The following PCDH15 variants were observed in gnomAD, a reference collection of about 807,000 sequenced individuals.
PCDH15 encodes protocadherin-15.
PCDH15 carries 129 observed loss-of-function variants against 178.5 expected under a neutral mutation model. That is an observed-to-expected ratio of 0.72 (90% CI 0.63 to 0.84). PCDH15 has a LOEUF of 0.84. PCDH15 is among the 40% of genes least tolerant of loss of function. The pLI is 0.00. For synonymous variants in PCDH15, 800 were observed against 732.0 expected (o/e 1.09, Z -1.50); for missense variants, 2,230 against 2,099.9 (o/e 1.06, Z -1.21).
intron 2 of PCDH15, among the ~76,000 whole-genome samples, chr10:55,475,868 C>T (rs929686944): frequency 7.9e-5 from 12 of 152,112 alleles, no homozygotes; most frequent in Admixed American, 2.0e-4. Flanking sequence ...TTATCTCTAT[C>T]CACTTCCCTT....
chr10:54,365,584 T>G (rs1946668598), intron 5 of PCDH15, among the ~76,000 whole-genome samples: 1 of 152,084 alleles, frequency 6.6e-6, no homozygotes, highest in Admixed American at 6.6e-5. Flanking sequence ...TTGCTCTTGT[T>G]TACTTACATC....
At chr10:55,570,227 T>C (rs1589145900) in intron 2 of PCDH15, among the ~76,000 whole-genome samples, 1 of 152,092 alleles carries the variant, frequency 6.6e-6, no homozygotes, top group East Asian at 1.9e-4. Flanking sequence ...AGAAAAGACC[T>C]GGCAGGTGAA....
At position 55,221,588 on chromosome 10, in the gene PCDH15, A is replaced by T. The variant is rs556411606; in HGVS notation, c.-155-54937T>A. Among the ~76,000 whole-genome samples the T allele has an allele frequency of 9.9e-5, 15 of 152,172 alleles. 1 individual carries two copies. The highest frequency in any genetic ancestry group is 3.4e-4 in the African/African-American group (14 of 41,464). On this transcript the variant is annotated intron_variant, in intron 1 of 5. Coordinates refer to the PCDH15 transcript ENST00000458638. ...TCTGGTATTTGACCTACTGTAAATT[A>T]CCACACTCTCTCATAAGATACATTC... is the stretch of plus-strand genomic sequence containing the variant.
rs1264708963 is a variant in PCDH15, at chr10:54,178,808, T to C, written c.1590+4636A>G. ...AAGACATTTATGCAGCCAAAAAACA[T>C]GTGAAAAAATGCTCATCATCACTGG... On this transcript the variant is annotated intron_variant, in intron 13 of 37. Coordinates refer to ENST00000644397, the MANE Select transcript of PCDH15 (RefSeq NM_001384140.1). 4.6e-5 allele frequency among the ~76,000 whole-genome samples: 7 copies of C among 152,086 alleles called. No individual in the cohort carries two copies. The South Asian group carries it at 6.2e-4, about 14-fold the overall frequency.
In PCDH15 at chr10:53,804,651, TG is replaced by T. The variant is rs2132343593; in HGVS notation, c.*1927del. 2 of 152,128 alleles carry T rather than the reference TG, an allele frequency of 1.3e-5. No homozygotes were observed. The highest frequency in any genetic ancestry group is 1.9e-4 in the East Asian group (1 of 5,182). 9.4% of individuals were successfully genotyped at this position (152,128 alleles called of 1,614,324 possible). Reference sequence around the variant, plus strand: ...TCAAGGGATGCTGACTGAGATGATCTGGGGGTATCAAGATAATATTAAATTA... The same window carrying T: ...TCAAGGGATGCTGACTGAGATGATCTGGGGTATCAAGATAATATTAAATTA... On this transcript the variant is annotated 3_prime_UTR_variant, in exon 38 of 38. Coordinates refer to ENST00000644397, the MANE Select transcript of PCDH15 (RefSeq NM_001384140.1).
intron 26 of PCDH15, among the ~76,000 whole-genome samples, chr10:53,867,058 AATG>A (rs1473566838): frequency 3.3e-5 from 5 of 152,096 alleles, no homozygotes; most frequent in Admixed American, 1.3e-4. Context: ...TTGCTATTAG[AATG>A]ATAATAACTG....
At chr10:55,515,693 TG>T (rs1840996546) in intron 2 of PCDH15, among the ~76,000 whole-genome samples, 1 of 152,094 alleles carries the variant, frequency 6.6e-6, no homozygotes, top group Non-Finnish European at 1.5e-5. Flanking sequence ...GAAAATATAC[TG>T]TAACCAAAAA....
At chr10:55,107,572 A>T (rs1365655970) in intron 2 of PCDH15, among the ~76,000 whole-genome samples, 1 of 142,232 alleles carries the variant, frequency 7.0e-6, no homozygotes, top group Non-Finnish European at 1.5e-5. Flanking sequence ...GCTCACTGCA[A>T]CCTCTGCCTC....
chr10:54,340,820 T>C (rs1942088674), intron 6 of PCDH15, among the ~76,000 whole-genome samples: 1 of 152,128 alleles, frequency 6.6e-6, no homozygotes, highest in Non-Finnish European at 1.5e-5. Context: ...GCTGGTGCAC[T>C]TGGGAGGGTC....
chr10:54,937,519 T>G (rs980449691), intron 2 of PCDH15, among the ~76,000 whole-genome samples: 4 of 152,014 alleles, frequency 2.6e-5, no homozygotes, highest in African/African-American at 9.6e-5. Flanking sequence ...TCGCCGTGTC[T>G]AAGACTTTCA....
At chr10:55,194,101 C>T (rs1469390988) in intron 1 of PCDH15, among the ~76,000 whole-genome samples, 1 of 151,966 alleles carries the variant, frequency 6.6e-6, no homozygotes, top group South Asian at 2.1e-4. Flanking sequence ...CACCATCTTA[C>T]ATATTCAGAA....
intron 2 of PCDH15, among the ~76,000 whole-genome samples, chr10:54,638,174 A>G (rs2093906812): frequency 6.6e-6 from 1 of 152,062 alleles, no homozygotes; most frequent in African/African-American, 2.4e-5. Context: ...TCATGAAAAA[A>G]AAGATCTTTA....
chr10:54,228,584 C>T (rs1373632396), intron 9 of PCDH15, among the ~76,000 whole-genome samples: 1 of 152,114 alleles, frequency 6.6e-6, no homozygotes, highest in Non-Finnish European at 1.5e-5. Flanking sequence ...TTATCAGGTC[C>T]AGAGGCCTAA....
chr10:55,253,175 AAC>A (rs201439655), intron 1 of PCDH15, among the ~76,000 whole-genome samples: 1,862 of 152,040 alleles, frequency 0.012, 40 homozygotes, highest in African/African-American at 0.042. Flanking sequence ...CAAAGACAGA[AAC>A]AGAGAGAATG....
chr10:54,899,686 T>A (rs1199778192), intron 2 of PCDH15, among the ~76,000 whole-genome samples: 1 of 151,972 alleles, frequency 6.6e-6, no homozygotes, highest in East Asian at 1.9e-4. Flanking sequence ...TTAGTAGAGA[T>A]GGGTTTCACC....
intron 2 of PCDH15, among the ~76,000 whole-genome samples, chr10:55,147,461 A>C (rs1033642201): frequency 7.9e-5 from 12 of 151,576 alleles, no homozygotes; most frequent in African/African-American, 2.9e-4. Flanking sequence ...TTTTTAAAAA[A>C]AATTTTTTTG....
At chr10:55,081,179 C>A (rs999932446) in intron 2 of PCDH15, among the ~76,000 whole-genome samples, 3 of 152,156 alleles carry the variant, frequency 2.0e-5, no homozygotes, top group South Asian at 4.1e-4. Context: ...TGGCCACTTT[C>A]TTCCATCTCC....
intron 2 of PCDH15, among the ~76,000 whole-genome samples, chr10:54,533,738 A>T (rs1166854678): frequency 1.3e-5 from 2 of 152,308 alleles, no homozygotes; most frequent in East Asian, 1.9e-4. Flanking sequence ...TTGACTTAAC[A>T]TAATCATTTA....
At chr10:54,139,510 G>GA (rs2043198368) in intron 14 of PCDH15, among the ~76,000 whole-genome samples, 1 of 152,042 alleles carries the variant, frequency 6.6e-6, no homozygotes, top group African/African-American at 2.4e-5. Flanking sequence ...TTCCAATTAA[G>GA]AAAAAGTTAT....
Sources: gnomAD v4.1 joint callset for allele counts (sites outside exome capture counted in the v4.1 genomes callset) on GRCh38, gnomAD v4.1.1 for gene constraint, MANE v1.5 for transcripts, NCBI Gene and HGNC (gene_info 2026-07-23, HGNC 2026-07-21) for gene names.